Variants in KCNH8 observed in about 807,000 individuals in gnomAD.
The protein encoded by KCNH8 is potassium voltage-gated channel subfamily H member 8, also known as voltage-gated delayed rectifier potassium channel KCNH8.
KCNH8 carries 70 observed loss-of-function variants against 103.6 expected under a neutral mutation model. The observed-to-expected ratio is 0.68, with a 90% CI of 0.56 to 0.82. The LOEUF (loss-of-function observed/expected upper bound fraction) is 0.82. KCNH8 is among the 40% of genes least tolerant of loss of function. KCNH8 has a pLI of 0.00. For missense variants in KCNH8, 1,217 were observed against 1,329.9 expected (o/e 0.92, Z 1.32); for synonymous variants, 498 against 489.4 (o/e 1.02, Z -0.23).
chr3:19,462,912 GTCAGGTTTGTCAAAGA>G (rs1225266693), intron 11 of KCNH8, among the ~76,000 whole-genome samples: 2 of 151,994 alleles, frequency 1.3e-5, no homozygotes, highest in Non-Finnish European at 2.9e-5. Flanking sequence ...ATTTGTTTTT[GTCAGGTTTGTCAAAGA>G]TCAGGTTTGT....
chr3:19,533,461 G>C lies in KCNH8; in HGVS notation c.2686G>C (p.Glu896Gln). 6.2e-7 allele frequency: 1 copy of C among 1,614,082 alleles called. No individual in the cohort carries two copies. Among genetic ancestry groups the C allele is most frequent in the Non-Finnish European group, 8.5e-7 (1 of 1,180,014 alleles). The change falls in exon 16 of 16, where the codon GAA (glutamate) becomes CAA (glutamine). Residue 896 changes from glutamate (E) to glutamine (Q), a missense_variant. Coordinates refer to ENST00000328405, the MANE Select transcript of KCNH8 (RefSeq NM_144633.3). Reference sequence around the variant, plus strand: ...CATGAGAAATGTGATCCAGCTTCTGGAAAACGTTCTGTCACCTCAGCAGCC... The same window carrying C: ...CATGAGAAATGTGATCCAGCTTCTGCAAAACGTTCTGTCACCTCAGCAGCC... ...KDMRNVIQLL[E>Q]NVLSPQQPSR...
At chr3:19,212,926 C>G (rs1262058665) in intron 1 of KCNH8, among the ~76,000 whole-genome samples, 3 of 152,094 alleles carry the variant, frequency 2.0e-5, no homozygotes, top group African/African-American at 7.2e-5. Flanking sequence ...AATATCTCAT[C>G]CAACTCCTTT....
chr3:19,486,603 TAG>T lies in KCNH8; in HGVS notation c.2041-23757_2041-23756del, dbSNP rs537712824. Among the ~76,000 whole-genome samples, 380 of 152,188 alleles carry T rather than the reference TAG, an allele frequency of 2.5e-3. 3 individuals carry two copies. Among genetic ancestry groups the T allele is most frequent in the Non-Finnish European group, 1.2e-3 (80 of 67,992 alleles). On this transcript the variant is annotated intron_variant, in intron 11 of 15. Transcript: ENST00000328405. ...TGCCATTTTTTTTCTTTTTGACACA[TAG>T]AGTGTAAAGGGCTTTGTCAAATCTG...
chr3:19,505,989 T>C (rs1214106595), intron 11 of KCNH8, among the ~76,000 whole-genome samples: 1 of 152,232 alleles, frequency 6.6e-6, no homozygotes, highest in Non-Finnish European at 1.5e-5. Context: ...TGTAAAATTC[T>C]TGTAGTGTGT....
intron 2 of KCNH8, among the ~76,000 whole-genome samples, chr3:19,277,177 G>A (rs1488858005): frequency 6.6e-6 from 1 of 152,110 alleles, no homozygotes; most frequent in African/African-American, 2.4e-5. Context: ...AGGGTAGACT[G>A]TTGGTTACCC....
intron 5 of KCNH8, among the ~76,000 whole-genome samples, chr3:19,371,823 T>C (rs2066100966): frequency 6.6e-6 from 1 of 151,366 alleles, no homozygotes; most frequent in African/African-American, 2.4e-5. Flanking sequence ...TTCAGCTTTC[T>C]ACATATGGCT....
At chr3:19,183,491 TA>T (rs2063475809) in intron 1 of KCNH8, among the ~76,000 whole-genome samples, 2 of 152,080 alleles carry the variant, frequency 1.3e-5, no homozygotes, top group African/African-American at 4.8e-5. Context: ...AAAACTGATA[TA>T]GGGGAGAGTT....
At chr3:19,527,160 T>C (rs966493939) in intron 15 of KCNH8, among the ~76,000 whole-genome samples, 2 of 152,022 alleles carry the variant, frequency 1.3e-5, no homozygotes, top group Non-Finnish European at 2.9e-5. Flanking sequence ...GCATCAATTA[T>C]TGCTGTTTCT....
chr3:19,156,583 G>A (rs116297279), intron 1 of KCNH8, among the ~76,000 whole-genome samples: 2,720 of 152,152 alleles, frequency 0.018, 92 homozygotes, highest in African/African-American at 0.061. Context: ...CATTCACTGT[G>A]CAAAGCAGTT....
At chr3:19,389,646 T>G (rs2066406347) in intron 5 of KCNH8, among the ~76,000 whole-genome samples, 2 of 152,076 alleles carry the variant, frequency 1.3e-5, no homozygotes, top group Admixed American at 1.3e-4. Flanking sequence ...TTTTTGTTTT[T>G]GAAACAGGGT....
At chr3:19,450,922 T>C (rs925349768) in intron 9 of KCNH8, 1 of 511,344 alleles carries the variant, frequency 2.0e-6, no homozygotes, top group Admixed American at 3.5e-5. Context: ...GCTAGAGGCT[T>C]TTTTAATTTG....
chr3:19,290,736 T>C (rs2064908488), intron 3 of KCNH8, among the ~76,000 whole-genome samples: 1 of 152,218 alleles, frequency 6.6e-6, no homozygotes, highest in Non-Finnish European at 1.5e-5. Context: ...TGCCCGGCTT[T>C]GGTATCAGGA....
intron 5 of KCNH8, among the ~76,000 whole-genome samples, chr3:19,355,322 T>G (rs1320880278): frequency 6.6e-6 from 1 of 152,232 alleles, no homozygotes; most frequent in African/African-American, 2.4e-5. Flanking sequence ...GAAGACAGTA[T>G]GGTGATTCCT....
In KCNH8 at chr3:19,534,099, A is replaced by G. The variant is rs376431595; in HGVS notation, c.3324A>G (p.Ter1108TrpextTer2). Residue 1108 changes from the stop codon to tryptophan, a stop_lost, in exon 16 of 16, where the codon TGA (stop) becomes TGG (tryptophan). Transcript: ENST00000328405. ...AAGATAACAAAGCCATAAATGTATG[A>G]TATTAGTGCCCATGATGCAGCAGCT... The part of the protein sequence containing the change: ...EVKDNKAINV[*>W] 7.3e-5 allele frequency: 117 copies of G among 1,604,974 alleles called. No homozygotes were observed. Among genetic ancestry groups the G allele is most frequent in the Admixed American group, 3.2e-4 (19 of 59,752 alleles).
chr3:19,373,764 C>T (rs1364383438), intron 5 of KCNH8, among the ~76,000 whole-genome samples: 2 of 151,726 alleles, frequency 1.3e-5, no homozygotes, highest in African/African-American at 2.4e-5. Flanking sequence ...AAATTTCCCT[C>T]TACACACTGC....
At chr3:19,499,579 CA>C (rs1474890554) in intron 11 of KCNH8, among the ~76,000 whole-genome samples, 1 of 152,200 alleles carries the variant, frequency 6.6e-6, no homozygotes, top group African/African-American at 2.4e-5. Flanking sequence ...AGCAGACTAA[CA>C]GCAGATCTCT....
At chr3:19,259,834 AAT>A (rs751179400) in intron 2 of KCNH8, among the ~76,000 whole-genome samples, 21 of 151,692 alleles carry the variant, frequency 1.4e-4, no homozygotes, top group Non-Finnish European at 2.2e-4. Context: ...ATTTATTTAT[AAT>A]TAACTGCCTT....
rs1170153830 is a variant in KCNH8, at chr3:19,456,752, C to A, written c.1826-16C>A. ...TGCTTTTTTTTTTTGAAAATGATCT[C>A]TCTCTCTCTTTCTAGGGAAAGGGGA... On this transcript the variant is annotated splice_polypyrimidine_tract_variant and intron_variant, in intron 10 of 15. Transcript: ENST00000328405. 3 of 1,537,046 alleles carry A rather than the reference C, an allele frequency of 2.0e-6. No homozygotes were observed. The highest frequency in any genetic ancestry group is 2.7e-6 in the Non-Finnish European group (3 of 1,115,042).
intron 5 of KCNH8, among the ~76,000 whole-genome samples, chr3:19,367,059 T>C (rs1162950076): frequency 6.6e-6 from 1 of 151,932 alleles, no homozygotes; most frequent in African/African-American, 2.4e-5. Context: ...CTTTTCTCCA[T>C]CACCACTTGC....
Sources: gnomAD v4.1 joint callset for allele counts (sites outside exome capture counted in the v4.1 genomes callset) on GRCh38, gnomAD v4.1.1 for gene constraint, MANE v1.5 for transcripts, NCBI Gene and HGNC (gene_info 2026-07-23, HGNC 2026-07-21) for gene names.